The following LRP1B variants were observed in gnomAD, a reference collection of about 807,000 sequenced individuals.
The protein encoded by LRP1B is LDL receptor related protein 1B, also known as low-density lipoprotein receptor-related protein 1B.
A neutral mutation model predicts 556.6 loss-of-function variants in LRP1B; 217 were observed. The observed-to-expected ratio is 0.39, with a 90% confidence interval of 0.35 to 0.44. The LOEUF is 0.44. Ranked by LOEUF, LRP1B falls within the 20% of genes least tolerant of loss-of-function variation. The pLI, the probability that LRP1B is intolerant of heterozygous loss-of-function variation, is 1.00. For synonymous variants in LRP1B, 2,047 were observed against 1,865.8 expected, an observed-to-expected ratio of 1.10 and a Z score of -2.50; for missense variants, 5,053 against 5,620.8, an observed-to-expected ratio of 0.90 and a Z score of 3.23.
chr2:141,689,216 A>G (rs1691424724), intron 2 of LRP1B, among the ~76,000 whole-genome samples: 1 of 151,818 alleles, frequency 6.6e-6, no homozygotes, highest in Non-Finnish European at 1.5e-5. Flanking sequence ...TGTTCTGGGC[A>G]TTTTGCATAT....
intron 66 of LRP1B, among the ~76,000 whole-genome samples, chr2:140,410,255 C>T (rs1001011584): frequency 2.0e-5 from 3 of 151,970 alleles, no homozygotes; most frequent in Admixed American, 6.6e-5. Context: ...CCTTACTTGA[C>T]TTACAGTTCA....
At chr2:141,427,707 T>C (rs1182324861) in intron 3 of LRP1B, among the ~76,000 whole-genome samples, 4 of 152,210 alleles carry the variant, frequency 2.6e-5, no homozygotes, top group Admixed American at 6.5e-5. Flanking sequence ...TTTGGTTGGT[T>C]GGTTAATTGT....
intron 87 of LRP1B, among the ~76,000 whole-genome samples, chr2:140,243,816 A>T (rs2104892927): frequency 6.6e-6 from 1 of 151,162 alleles, no homozygotes; most frequent in Middle Eastern, 3.4e-3. Flanking sequence ...CGGTTGTTGT[A>T]CCTGCTGTTC....
chr2:141,836,428 C>G (rs1697281217), intron 1 of LRP1B, among the ~76,000 whole-genome samples: 1 of 151,626 alleles, frequency 6.6e-6, no homozygotes, highest in Non-Finnish European at 1.5e-5. Flanking sequence ...AACTTATTTC[C>G]TCTGACTATC....
At chr2:140,299,329 C>CT (rs1330847574) in intron 83 of LRP1B, among the ~76,000 whole-genome samples, 1 of 152,024 alleles carries the variant, frequency 6.6e-6, no homozygotes, top group Non-Finnish European at 1.5e-5. Flanking sequence ...TTTGAAAGGA[C>CT]TCTACATGCT....
chr2:141,917,345 T>C (rs1376565952), intron 1 of LRP1B, among the ~76,000 whole-genome samples: 1 of 152,124 alleles, frequency 6.6e-6, no homozygotes, highest in East Asian at 1.9e-4. Context: ...ATGGATGTGG[T>C]GTATGGTGTG....
At chr2:140,720,837 T>G (rs1687375386) in intron 35 of LRP1B, among the ~76,000 whole-genome samples, 1 of 151,968 alleles carries the variant, frequency 6.6e-6, no homozygotes, top group African/African-American at 2.4e-5. Context: ...TATATAAAAA[T>G]ATGCCAGGTA....
At position 140,676,248 on chromosome 2, in the gene LRP1B, T is replaced by A. The variant is rs564735332; in HGVS notation, c.6799+24002A>T. On this transcript the variant is annotated intron_variant, in intron 41 of 90. Transcript: ENST00000389484. ...CAATTTGCTTCCTACAGCACGTAAT[T>A]ATATAATAAATATGCTCTGGGTAAA... Among the ~76,000 whole-genome samples, 3 of 152,268 alleles carry A rather than the reference T, an allele frequency of 2.0e-5. No homozygotes were observed. In the South Asian group the frequency reaches 6.2e-4, roughly 32 times the overall value.
chr2:141,055,270 TA>T lies in LRP1B; in HGVS notation c.1409-12del. 1 of 1,597,792 alleles carries T rather than the reference TA, an allele frequency of 6.3e-7. No individual in the cohort carries two copies. The highest frequency in any genetic ancestry group is 2.3e-5 in the East Asian group (1 of 44,340). On this transcript the variant is annotated splice_polypyrimidine_tract_variant and intron_variant, in intron 9 of 90. Transcript: ENST00000389484. ...ATGCATGGCTTCTGACTACAACAAATAAAAAACAGCATGCGTGAAATTCAAG... is the reference window on the plus strand; with the variant it reads ...ATGCATGGCTTCTGACTACAACAAATAAAAACAGCATGCGTGAAATTCAAG...
intron 1 of LRP1B, among the ~76,000 whole-genome samples, chr2:142,086,986 CT>C (rs1705963682): frequency 6.6e-6 from 1 of 151,786 alleles, no homozygotes; most frequent in Non-Finnish European, 1.5e-5. Context: ...TTAATTTGTC[CT>C]TCTGTGATTT....
chr2:142,056,007 T>C (rs747098986), intron 1 of LRP1B, among the ~76,000 whole-genome samples: 1 of 152,084 alleles, frequency 6.6e-6, no homozygotes, highest in Non-Finnish European at 1.5e-5. Context: ...AAAAATTAGC[T>C]GGGCGTGGTA....
At chr2:141,874,610 C>G (rs1351375243) in intron 1 of LRP1B, among the ~76,000 whole-genome samples, 1 of 151,832 alleles carries the variant, frequency 6.6e-6, no homozygotes, top group Admixed American at 6.6e-5. Context: ...CTAATTGGAT[C>G]ATGGTTTTAG....
At chr2:141,989,335 A>C (rs1272237570) in intron 1 of LRP1B, among the ~76,000 whole-genome samples, 2 of 152,072 alleles carry the variant, frequency 1.3e-5, no homozygotes, top group African/African-American at 4.8e-5. Context: ...TGACTTTAAA[A>C]ATTAGTCATA....
intron 1 of LRP1B, among the ~76,000 whole-genome samples, chr2:141,948,554 C>T (rs1479368717): frequency 6.6e-6 from 1 of 151,858 alleles, no homozygotes; most frequent in Non-Finnish European, 1.5e-5. Flanking sequence ...TGAAGAAACA[C>T]TCTATTCAGT....
chr2:141,209,164 C>T (rs1252581822), intron 6 of LRP1B, among the ~76,000 whole-genome samples: 1 of 152,100 alleles, frequency 6.6e-6, no homozygotes, highest in Non-Finnish European at 1.5e-5. Context: ...GGTTCTGTGT[C>T]CCCACCCAAA....
intron 11 of LRP1B, among the ~76,000 whole-genome samples, chr2:141,044,297 G>T (rs1049838630): frequency 1.3e-5 from 2 of 151,586 alleles, no homozygotes; most frequent in Admixed American, 6.6e-5. Context: ...TTAAACGTTA[G>T]ACCTAAAACC....
intron 7 of LRP1B, among the ~76,000 whole-genome samples, chr2:141,091,580 G>T (rs1700173502): frequency 6.6e-6 from 1 of 152,154 alleles, no homozygotes; most frequent in Non-Finnish European, 1.5e-5. Flanking sequence ...AAGTCTGAGT[G>T]ACTGTGGGTG....
At chr2:141,202,381 G>A (rs765307581) in intron 6 of LRP1B, among the ~76,000 whole-genome samples, 1 of 152,098 alleles carries the variant, frequency 6.6e-6, no homozygotes, top group Admixed American at 6.6e-5. Context: ...TAACATACAC[G>A]TGCATGTGTC....
intron 7 of LRP1B, among the ~76,000 whole-genome samples, chr2:141,106,901 AG>A (rs1276061568): frequency 6.6e-6 from 1 of 152,230 alleles, no homozygotes; most frequent in Non-Finnish European, 1.5e-5. Context: ...TACATGAGAA[AG>A]AATATTCCTA....
Sources: allele counts gnomAD v4.1 joint callset (sites outside exome capture counted in the v4.1 genomes callset), GRCh38; gene constraint gnomAD v4.1.1; transcripts MANE v1.5; gene names NCBI Gene and HGNC (gene_info 2026-07-23, HGNC 2026-07-21).